The following RUNX1 variants were observed in gnomAD, a reference collection of about 807,000 sequenced individuals.
The protein encoded by RUNX1 is RUNX family transcription factor 1, also known as runt-related transcription factor 1.
Under a neutral mutation model 42.8 loss-of-function variants are expected in RUNX1, and 19 were observed. That is an observed-to-expected ratio of 0.44 (90% confidence interval 0.31 to 0.65). RUNX1 has a LOEUF of 0.65. Ranked by LOEUF, RUNX1 falls within the 30% of genes least tolerant of loss-of-function variation. The pLI is 0.07. For missense variants in RUNX1, 528 were observed against 672.0 expected, an observed-to-expected ratio of 0.79 and a Z score of 2.37; for synonymous variants, 271 against 289.4, an observed-to-expected ratio of 0.94 and a Z score of 0.64.
intron 7 of RUNX1, chr21:34,821,507 G>A (rs992232446): frequency 3.1e-5 from 46 of 1,491,782 alleles, no homozygotes; most frequent in Non-Finnish European, 4.1e-5. Context: ...TGCAGAGGGG[G>A]AGAAGGGACA....
At chr21:35,002,303 C>A (rs1052826697) in intron 2 of RUNX1, among the ~76,000 whole-genome samples, 9 of 151,884 alleles carry the variant, frequency 5.9e-5, no homozygotes, top group African/African-American at 2.2e-4. Flanking sequence ...CCCTCCTTCA[C>A]CAGCTTTGCA....
chr21:34,885,728 T>C (rs2300401), intron 4 of RUNX1, among the ~76,000 whole-genome samples: 69,246 of 152,126 alleles, frequency 0.46, 19,113 homozygotes, highest in African/African-American at 0.79. Flanking sequence ...TTAATCTCCC[T>C]TTAAAGGGGA....
chr21:34,799,252 A>G (rs1352033104), intron 8 of RUNX1, 49 bp downstream of exon 8: 1 of 1,606,018 alleles, frequency 6.2e-7, no homozygotes, highest in Non-Finnish European at 8.5e-7. Flanking sequence ...AGTCTCCTGG[A>G]CCTTCCACCC....
At chr21:34,821,761 G>A (rs2056912207) in intron 7 of RUNX1, 6 of 1,424,912 alleles carry the variant, frequency 4.2e-6, no homozygotes, top group Admixed American at 2.1e-5. Context: ...ATAGAGCCGC[G>A]AATGCATTCC....
chr21:34,879,656 C>G (rs891386722), intron 5 of RUNX1, among the ~76,000 whole-genome samples: 1 of 152,060 alleles, frequency 6.6e-6, no homozygotes, highest in East Asian at 1.9e-4. Flanking sequence ...TAAGCTTAAT[C>G]GGTACTATAT....
intron 4 of RUNX1, 90 bp from the exon 5 acceptor site, chr21:34,880,803 A>G (rs1410972379): frequency 2.3e-6 from 3 of 1,290,388 alleles, no homozygotes; most frequent in Non-Finnish European, 3.3e-6. Context: ...CTAAAATTAA[A>G]TGTATATTCA....
intron 2 of RUNX1, among the ~76,000 whole-genome samples, chr21:34,918,968 T>C (rs1003667343): frequency 3.3e-5 from 5 of 152,226 alleles, no homozygotes; most frequent in Non-Finnish European, 7.3e-5. Flanking sequence ...TAGAGTGTAT[T>C]TTGAGATATA....
In RUNX1 at chr21:34,790,431, C is replaced by T. The variant is rs2056419946; in HGVS notation, c.*1704G>A. ...TTTTAAGAGGTACGTTAAATAACCA[C>T]CAGATCATTTGGAGCACACATGTGT... On this transcript the variant is annotated 3_prime_UTR_variant, in exon 9 of 9. Coordinates refer to ENST00000675419, the MANE Select transcript of RUNX1 (RefSeq NM_001754.5). The T allele has an allele frequency of 4.3e-6, 1 of 233,612 alleles. No individual in the cohort carries two copies. Among genetic ancestry groups the T allele is most frequent in the South Asian group, 1.8e-4 (1 of 5,532 alleles). 14.5% of individuals were successfully genotyped at this position (233,612 alleles called of 1,614,324 possible). A position where few individuals can be genotyped will look rare whatever the true frequency, so the allele number is the denominator to read the frequency against.
At chr21:34,855,330 T>C (rs1307604666) in intron 6 of RUNX1, among the ~76,000 whole-genome samples, 1 of 152,166 alleles carries the variant, frequency 6.6e-6, no homozygotes, top group East Asian at 1.9e-4. Flanking sequence ...AATATTAGCA[T>C]AGAGACACCT....
At chr21:34,804,494 G>A (rs1257463687) in intron 7 of RUNX1, among the ~76,000 whole-genome samples, 4 of 152,080 alleles carry the variant, frequency 2.6e-5, no homozygotes, top group Non-Finnish European at 4.4e-5. Flanking sequence ...AATAACTCAC[G>A]CTAAAGGCCT....
intron 2 of RUNX1, among the ~76,000 whole-genome samples, chr21:34,897,282 T>C (rs2058138355): frequency 6.6e-6 from 1 of 152,238 alleles, no homozygotes; most frequent in Non-Finnish European, 1.5e-5. Context: ...ATTACCTCTC[T>C]GAAGATTTCT....
Position 35,025,103 on chromosome 21 carries a change from C to G in RUNX1, c.58+23739G>C, listed in dbSNP as rs573930565. On this transcript the variant is annotated intron_variant, in intron 2 of 8. Coordinates refer to ENST00000675419, the MANE Select transcript of RUNX1 (RefSeq NM_001754.5). ...GTGCTGTTAGAATGGTGCTCCCTCT[C>G]CCTCCCAGGGGATGACTTTGAAGGA... 4.6e-5 allele frequency among the ~76,000 whole-genome samples: 7 copies of G among 152,208 alleles called. No homozygotes were observed. In the South Asian group the frequency reaches 6.2e-4, roughly 14 times the overall value.
chr21:35,032,154 ACATATGT>A (rs2059277588), intron 2 of RUNX1, among the ~76,000 whole-genome samples: 1 of 152,238 alleles, frequency 6.6e-6, no homozygotes, highest in South Asian at 2.1e-4. Flanking sequence ...AAAGGAACAC[ACATATGT>A]CATATCACCT....
chr21:34,966,551 T>C (rs11088300), intron 2 of RUNX1, among the ~76,000 whole-genome samples: 110,034 of 151,918 alleles, frequency 0.72, 40,179 homozygotes, highest in Middle Eastern at 0.79. Context: ...CACCCCCTCA[T>C]TGACTGCTTT....
chr21:35,046,091 C>T (rs919845877), intron 2 of RUNX1, among the ~76,000 whole-genome samples: 3 of 152,154 alleles, frequency 2.0e-5, no homozygotes, highest in Admixed American at 1.3e-4. Flanking sequence ...AGTTTGGGTT[C>T]GGCAAGAATT....
At position 35,035,976 on chromosome 21, in the gene RUNX1, C is replaced by T. The variant is rs77448164; in HGVS notation, c.58+12866G>A. Among the ~76,000 whole-genome samples the T allele has an allele frequency of 8.0e-3, 1,217 of 152,248 alleles. 15 individuals carry two copies. The highest frequency in any genetic ancestry group is 0.028 in the African/African-American group (1,169 of 41,540). On this transcript the variant is annotated intron_variant, in intron 2 of 8. Coordinates refer to ENST00000675419, the MANE Select transcript of RUNX1 (RefSeq NM_001754.5). ...GGTTAAGGGTTGGAACTCTGGGCCT[C>T]CCCAGAGGCTGCTGTGGGTCTGGGG...
At chr21:34,944,695 G>A (rs1218429997) in intron 2 of RUNX1, among the ~76,000 whole-genome samples, 1 of 152,158 alleles carries the variant, frequency 6.6e-6, no homozygotes, top group African/African-American at 2.4e-5. Context: ...AATTGGGGAG[G>A]CCTAGGTCTG....
chr21:34,993,497 C>CCA lies in RUNX1; in HGVS notation c.58+55344_58+55345insTG, dbSNP rs1569141566. On this transcript the variant is annotated intron_variant, in intron 2 of 8. Transcript: ENST00000675419. ...GAGGACAATGTCTGTTTGTTTGTCC[C>CCA]TACACACACACACACACACACACAC... is the stretch of plus-strand genomic sequence containing the variant. Among the ~76,000 whole-genome samples, 395 of 119,214 alleles carry CCA rather than the reference C, an allele frequency of 3.3e-3. 7 individuals carry two copies. Among genetic ancestry groups the CCA allele is most frequent in the African/African-American group, 0.013 (369 of 28,558 alleles). 78.2% of individuals were successfully genotyped at this position (119,214 alleles called of 152,430 possible). A position where few individuals can be genotyped will look rare whatever the true frequency, so the allele number is the denominator to read the frequency against.
At chr21:34,922,042 A>T (rs1294638498) in intron 2 of RUNX1, among the ~76,000 whole-genome samples, 1 of 152,102 alleles carries the variant, frequency 6.6e-6, no homozygotes, top group Admixed American at 6.5e-5. Context: ...AATACTTCCA[A>T]CCCTCCTGAT....
Sources: gnomAD v4.1 joint callset for allele counts (sites outside exome capture counted in the v4.1 genomes callset) on GRCh38, gnomAD v4.1.1 for gene constraint, MANE v1.5 for transcripts, NCBI Gene and HGNC (gene_info 2026-07-23, HGNC 2026-07-21) for gene names.